The following CDK13 variants were observed in gnomAD, a reference collection of about 807,000 sequenced individuals.
CDK13 encodes cyclin dependent kinase 13, also known as cyclin-dependent kinase 13.
A neutral mutation model predicts 137.6 loss-of-function variants in CDK13; 40 were observed. That is an observed-to-expected ratio of 0.29 (90% CI 0.23 to 0.38). The LOEUF (loss-of-function observed/expected upper bound fraction) is 0.38, where lower values mean the gene tolerates loss of function less well. CDK13 is among the 10% of genes least tolerant of loss of function. The probability of loss-of-function intolerance (pLI) is 1.00; values close to 1 mark genes in which losing one functional copy is unlikely to be tolerated. For synonymous variants in CDK13, 869 were observed against 760.1 expected, an observed-to-expected ratio of 1.14 and a Z score of -2.36; for missense variants, 1,704 against 1,951.8, an observed-to-expected ratio of 0.87 and a Z score of 2.39.
At chr7:39,973,766 T>A (rs925740157) in intron 1 of CDK13, among the ~76,000 whole-genome samples, 6 of 152,246 alleles carry the variant, frequency 3.9e-5, no homozygotes, top group Non-Finnish European at 8.8e-5. Context: ...TTTTGTATGG[T>A]GAAAGGAAGA....
At chr7:40,071,127 A>G (rs898948482) in intron 9 of CDK13, 2 of 152,176 alleles carry the variant, frequency 1.3e-5, no homozygotes, top group African/African-American at 4.8e-5. Flanking sequence ...GAAAGAAATG[A>G]ATCATGTATA....
Position 39,988,159 on chromosome 7 carries a change from T to C in CDK13, c.1772T>C (p.Ile591Thr), listed in dbSNP as rs1784381177. The change falls in exon 2 of 14, where the codon ATA becomes ACA. Residue 591 changes from isoleucine to threonine, a missense_variant. Ile to Thr is a moderately conservative substitution (Grantham distance 89). Around this residue, in one of 5 missense-constraint regions of CDK13, gnomAD observed 1,051 missense variants for 931.0 expected, o/e 1.13. Transcript: ENST00000181839. ...KEKTKPLTPSIGAKEKEQHVA... is the reference protein window; with the variant it reads ...KEKTKPLTPSTGAKEKEQHVA... Reference sequence around the variant, plus strand: ...AAAACCAAACCACTTACACCAAGCATAGGAGCCAAGGAGAAGGAGCAACAT... The same window carrying C: ...AAAACCAAACCACTTACACCAAGCACAGGAGCCAAGGAGAAGGAGCAACAT... 1 of 1,613,944 alleles carries C rather than the reference T, an allele frequency of 6.2e-7. No homozygotes were observed. Among genetic ancestry groups the C allele is most frequent in the Non-Finnish European group, 8.5e-7 (1 of 1,180,008 alleles).
intron 5 of CDK13, among the ~76,000 whole-genome samples, chr7:40,037,682 T>G (rs920273224): frequency 2.0e-5 from 3 of 152,166 alleles, no homozygotes; most frequent in African/African-American, 7.2e-5. Flanking sequence ...CAGTTTCAAT[T>G]TCAGAGTACA....
intron 5 of CDK13, among the ~76,000 whole-genome samples, chr7:40,010,773 A>G (rs1318561634): frequency 6.6e-6 from 1 of 152,222 alleles, no homozygotes; most frequent in Non-Finnish European, 1.5e-5. Context: ...CAGTACTAGG[A>G]TTGGGGACCC....
intron 7 of CDK13, chr7:40,048,212 T>G: frequency 5.3e-6 from 1 of 189,936 alleles, no homozygotes; most frequent in South Asian, 1.2e-4. Flanking sequence ...TTTAAACTTA[T>G]AAACTTTGGT....
chr7:40,025,680 C>T (rs191392250), intron 5 of CDK13, among the ~76,000 whole-genome samples: 4 of 152,210 alleles, frequency 2.6e-5, no homozygotes, highest in African/African-American at 9.6e-5. Context: ...AATAGTGCTA[C>T]CTTGCTTTCC....
At chr7:40,089,122 G>T (rs938502045) in intron 12 of CDK13, among the ~76,000 whole-genome samples, 9 of 149,626 alleles carry the variant, frequency 6.0e-5, no homozygotes, top group Non-Finnish European at 1.2e-4. Context: ...TGATATTTGT[G>T]CCCAAAATAA....
At chr7:40,065,246 T>TA (rs756908485) in intron 9 of CDK13, among the ~76,000 whole-genome samples, 6 of 151,950 alleles carry the variant, frequency 3.9e-5, no homozygotes. Context: ...CTAAATTCTC[T>TA]AAAATAGAAT....
chr7:39,953,246 G>A (rs1053303035), intron 1 of CDK13, among the ~76,000 whole-genome samples: 2 of 152,290 alleles, frequency 1.3e-5, no homozygotes, highest in South Asian at 2.1e-4. Context: ...TAAAATGTTA[G>A]TTGATACCTT....
At position 39,997,561 on chromosome 7, in the gene CDK13, G is replaced by A; in HGVS notation, c.1939G>A (p.Ala647Thr). 1 of 1,604,912 alleles carries A rather than the reference G, an allele frequency of 6.2e-7. No homozygotes were observed. Among genetic ancestry groups the A allele is most frequent in the South Asian group, 1.1e-5 (1 of 88,328 alleles). The change falls in exon 3 of 14, where the codon GCT becomes ACT. Residue 647 changes from alanine to threonine, a missense_variant. By Grantham distance (58) the Ala-to-Thr change is moderately conservative. Transcript: ENST00000181839. ...EVEKKLRCLL[A>T]DLPLPPELPG... is the part of the protein sequence containing the mutation. The stretch of plus-strand genomic sequence containing the variant: ...AGAAAAGAAACTCCGATGTCTTCTT[G>A]CTGATTTACCGCTGCCCCCTGAGCT...
At chr7:40,065,876 C>A (rs890644747) in intron 9 of CDK13, among the ~76,000 whole-genome samples, 13 of 152,106 alleles carry the variant, frequency 8.5e-5, no homozygotes, top group Admixed American at 8.5e-4. Context: ...AGTTTAACTT[C>A]ATATGAAAAG....
At chr7:39,973,937 A>AT (rs1298552691) in intron 1 of CDK13, among the ~76,000 whole-genome samples, 1 of 152,184 alleles carries the variant, frequency 6.6e-6, no homozygotes, top group Non-Finnish European at 1.5e-5. Context: ...TGTTCCATTG[A>AT]TTTATGTATC....
At chr7:40,052,122 A>G (rs538429503) in intron 7 of CDK13, among the ~76,000 whole-genome samples, 1 of 152,274 alleles carries the variant, frequency 6.6e-6, no homozygotes, top group South Asian at 2.1e-4. Flanking sequence ...AGTTTTCCAT[A>G]TTAATTGAAA....
At position 40,078,459 on chromosome 7, in the gene CDK13, G is replaced by A. The variant is rs960231391; in HGVS notation, c.2898-261G>A. 4.7e-5 allele frequency: 13 copies of A among 275,942 alleles called. No individual in the cohort carries two copies. In the East Asian group the frequency reaches 8.3e-4, roughly 18 times the overall value. 17.1% of individuals were successfully genotyped at this position (275,942 alleles called of 1,614,324 possible). ...TCAGTTCTTAATTTGTATAATAACA[G>A]CAAATTACCGATAAGTAACAATATA... is the stretch of plus-strand genomic sequence containing the variant. On this transcript the variant is annotated intron_variant, in intron 10 of 13. Transcript: ENST00000181839.
intron 12 of CDK13, among the ~76,000 whole-genome samples, chr7:40,091,318 A>G (rs1786917211): frequency 6.6e-6 from 1 of 152,164 alleles, no homozygotes. Flanking sequence ...ACTGCATTCC[A>G]GCCTGGGCCA....
chr7:39,972,157 C>T (rs1250437883), intron 1 of CDK13, among the ~76,000 whole-genome samples: 1 of 152,156 alleles, frequency 6.6e-6, no homozygotes, highest in Non-Finnish European at 1.5e-5. Context: ...TGGACTAGAA[C>T]ATGTTTGCTT....
intron 1 of CDK13, among the ~76,000 whole-genome samples, chr7:39,979,752 G>A (rs1784185015): frequency 6.6e-6 from 1 of 152,140 alleles, no homozygotes; most frequent in Admixed American, 6.5e-5. Flanking sequence ...TTGATATGGC[G>A]GGGTTATTCT....
chr7:40,027,346 C>G (rs529370218), intron 5 of CDK13, among the ~76,000 whole-genome samples: 1 of 152,114 alleles, frequency 6.6e-6, no homozygotes, highest in African/African-American at 2.4e-5. Flanking sequence ...CTGTCTCACA[C>G]AAACACACAA....
chr7:40,035,564 G>A lies in CDK13; in HGVS notation c.2354-10272G>A, dbSNP rs1785463687. Among the ~76,000 whole-genome samples the A allele has an allele frequency of 2.0e-5, 3 of 152,016 alleles. No homozygotes were observed. The South Asian group carries it at 6.2e-4, about 32-fold the overall frequency. On this transcript the variant is annotated intron_variant, in intron 5 of 13. Coordinates refer to ENST00000181839, the MANE Select transcript of CDK13 (RefSeq NM_003718.5). ...GGGATCTAGGTTGTGTACTCCTTAT[G>A]AGAATCTAATGTCTGATGATCTGTC...
Sources: allele counts gnomAD v4.1 joint callset (sites outside exome capture counted in the v4.1 genomes callset), GRCh38; gene constraint gnomAD v4.1.1; regional missense constraint gnomAD v4.1.1; transcripts MANE v1.5; gene names NCBI Gene and HGNC (gene_info 2026-07-23, HGNC 2026-07-21).